Variants in ZNF701 observed in about 807,000 individuals in gnomAD.
The protein encoded by ZNF701 is zinc finger protein 701.
A neutral mutation model predicts 7.1 loss-of-function variants in ZNF701; 6 were observed. The ratio of observed to expected loss-of-function variants is 0.84; its 90% CI spans 0.46 to 1.66. ZNF701 has a LOEUF of 1.66. Among genes scored for constraint, ZNF701 ranks in the 40% most tolerant of loss-of-function variants. ZNF701 has a pLI of 0.01. For missense variants in ZNF701, 541 were observed against 559.2 expected, an observed-to-expected ratio of 0.97 and a Z score of 0.33; for synonymous variants, 166 against 188.2, an observed-to-expected ratio of 0.88 and a Z score of 0.97.
chr19:52,576,415 C>T (rs1443872919), intron 3 of ZNF701, among the ~76,000 whole-genome samples: 1 of 152,018 alleles, frequency 6.6e-6, no homozygotes, highest in African/African-American at 2.4e-5. Flanking sequence ...GTGGTGCATG[C>T]CTGTAATCCC....
chr19:52,586,811 A>G lies in ZNF701; in HGVS notation c.*3354A>G, dbSNP rs1424019221. On this transcript the variant is annotated 3_prime_UTR_variant, in exon 4 of 4. Coordinates refer to ENST00000391785, the MANE Select transcript of ZNF701 (RefSeq NM_018260.3). ...GAGTGTGTGGCTTTTCCTGTAGGAC[A>G]GGGAGGTATTTAGTTGTAGTTTGAA... 3.3e-5 allele frequency: 5 copies of G among 152,184 alleles called. No homozygotes were observed. Among genetic ancestry groups the G allele is most frequent in the Admixed American group, 6.5e-5 (1 of 15,274 alleles). 9.4% of individuals were successfully genotyped at this position (152,184 alleles called of 1,614,324 possible).
rs777097693 is a variant in ZNF701, at chr19:52,583,749, C to T, written c.*292C>T. 1 of 688,342 alleles carries T rather than the reference C, an allele frequency of 1.5e-6. No individual in the cohort carries two copies. The highest frequency in any genetic ancestry group is 2.6e-6 in the Non-Finnish European group (1 of 380,868). The allele number at this position is 688,342 out of a possible 1,614,324, so 42.6% of individuals were successfully genotyped here. A position where few individuals can be genotyped will look rare whatever the true frequency, so the allele number is the denominator to read the frequency against. ...CAGAGCCTTTGGTGGTCAGTCAACA[C>T]TTACTCACCATCAAGCAATCCATGG... On this transcript the variant is annotated 3_prime_UTR_variant, in exon 4 of 4. Transcript: ENST00000391785.
chr19:52,574,949 C>CATATAT (rs35653485), intron 2 of ZNF701, among the ~76,000 whole-genome samples: 1 of 151,008 alleles, frequency 6.6e-6, no homozygotes, highest in African/African-American at 2.4e-5. Flanking sequence ...ACAAAATTTG[C>CATATAT]ATATATATAT....
chr19:52,572,753 T>A, intron 1 of ZNF701: 1 of 369,202 alleles, frequency 2.7e-6, no homozygotes, highest in South Asian at 2.1e-5. Context: ...TCACTGTCAC[T>A]CCACAGCCCT....
chr19:52,593,181 T>A, the ZNF701 span, among the ~76,000 whole-genome samples: 3 of 117,842 alleles, frequency 2.5e-5, 1 homozygote, highest in Admixed American at 1.7e-4. Flanking sequence ...GTCTACCTCT[T>A]TCTACACAGA....
the ZNF701 span, chr19:52,596,960 G>A: frequency 2.7e-5 from 19 of 700,084 alleles, no homozygotes; most frequent in Admixed American, 9.4e-5. Flanking sequence ...GTGGGAAGTC[G>A]TCACTTTTTT....
At chr19:52,591,072 TCCTGATCCA>T, downstream of ZNF701, among the ~76,000 whole-genome samples, 1 of 152,194 alleles carries the variant, frequency 6.6e-6, no homozygotes, top group African/African-American at 2.4e-5. Flanking sequence ...TTTCTTGACC[TCCTGATCCA>T]CCCATCTCGG....
chr19:52,593,110 A>C, the ZNF701 span, among the ~76,000 whole-genome samples: 24 of 118,324 alleles, frequency 2.0e-4, 6 homozygotes, highest in Middle Eastern at 4.6e-3. Context: ...GGTCACCGAT[A>C]AACAGGATCC....
rs759726522 is a variant in ZNF701 at position 52,582,219 on chromosome 19, A to G, written c.160A>G (p.Met54Val). Reference sequence around the variant, plus strand: ...TTTTGTAGATACCTCTTCCAAATGCATGATGAAGATGTTCTCATCAACAGG... The same window carrying G: ...TTTTGTAGATACCTCTTCCAAATGCGTGATGAAGATGTTCTCATCAACAGG... ...LVSLDTSSKC[M>V]MKMFSSTGQG... The change falls in exon 4 of 4, where the codon ATG (methionine) becomes GTG (valine). Residue 54 changes from methionine to valine, a missense_variant. Transcript: ENST00000391785. 1 of 1,581,676 alleles carries G rather than the reference A, an allele frequency of 6.3e-7. No individual in the cohort carries two copies. The highest frequency in any genetic ancestry group is 8.6e-7 in the Non-Finnish European group (1 of 1,165,092).
chr19:52,577,646 G>A lies in ZNF701; in HGVS notation c.142+1625G>A, dbSNP rs571092691. Among the ~76,000 whole-genome samples the A allele has an allele frequency of 6.0e-4, 92 of 152,196 alleles. 1 individual carries two copies. The highest frequency in any genetic ancestry group is 3.4e-3 in the Middle Eastern group (1 of 294). On this transcript the variant is annotated intron_variant, in intron 3 of 3. Coordinates refer to ENST00000391785, the MANE Select transcript of ZNF701 (RefSeq NM_018260.3). ...CCTCTGTCACACCCGCATAAGGGCC[G>A]CTTGAGGGGTCCTTGGTCAAGCGGT...
At chr19:52,577,049 C>T (rs1429631445) in intron 3 of ZNF701, among the ~76,000 whole-genome samples, 1 of 152,208 alleles carries the variant, frequency 6.6e-6, no homozygotes, top group Non-Finnish European at 1.5e-5. Context: ...ATCCTGAGAT[C>T]TCTGAAATGA....
chr19:52,596,806 T>A, the ZNF701 span: 2 of 537,268 alleles, frequency 3.7e-6, no homozygotes, highest in Non-Finnish European at 7.7e-6. Flanking sequence ...GTGGCAAGGT[T>A]TTTAGTAGAA....
At chr19:52,572,775 C>T in intron 1 of ZNF701, 1 of 393,400 alleles carries the variant, frequency 2.5e-6, no homozygotes, top group Non-Finnish European at 4.9e-6. Context: ...TGTCCAGGGC[C>T]CCTGCCACTG....
intron 1 of ZNF701, among the ~76,000 whole-genome samples, chr19:52,571,418 G>T (rs1165010479): frequency 6.6e-6 from 1 of 152,142 alleles, no homozygotes; most frequent in Admixed American, 6.5e-5. Flanking sequence ...CGGCAGAGAT[G>T]CAGAGATGGG....
chr19:52,581,772 G>GT (rs1244812655), intron 3 of ZNF701, among the ~76,000 whole-genome samples: 1 of 152,198 alleles, frequency 6.6e-6, no homozygotes, highest in Non-Finnish European at 1.5e-5. Context: ...ACAGGAGCTT[G>GT]TTGTGGATTA....
chr19:52,594,126 G>A, the ZNF701 span: 16 of 124,250 alleles, frequency 1.3e-4, 3 homozygotes, highest in South Asian at 8.7e-4. Flanking sequence ...GACCAGCCCG[G>A]CCAACACAGC....
At chr19:52,596,550 G>T in the ZNF701 span, 1 of 402,514 alleles carries the variant, frequency 2.5e-6, no homozygotes. Flanking sequence ...TAACGAATGT[G>T]GCAAGGCTTT....
At chr19:52,593,828 T>C in the ZNF701 span, among the ~76,000 whole-genome samples, 2 of 103,116 alleles carry the variant, frequency 1.9e-5, 1 homozygote. Flanking sequence ...CTCCTCACTT[T>C]CCAGACTGGA....
At chr19:52,571,606 C>G (rs537763971) in intron 1 of ZNF701, among the ~76,000 whole-genome samples, 2 of 151,980 alleles carry the variant, frequency 1.3e-5, no homozygotes, top group Non-Finnish European at 2.9e-5. Context: ...GTGATCCACC[C>G]GCCTCGACCT....
Sources: gnomAD v4.1 joint callset for allele counts (sites outside exome capture counted in the v4.1 genomes callset) on GRCh38, gnomAD v4.1.1 for gene constraint, MANE v1.5 for transcripts, NCBI Gene and HGNC (gene_info 2026-07-23, HGNC 2026-07-21) for gene names.